Variants in DMRTB1 observed in about 807,000 individuals in gnomAD.
DMRTB1 encodes DMRT like family B with proline rich C-terminal 1, also known as doublesex- and mab-3-related transcription factor B1.
In DMRTB1, 9 loss-of-function variants were observed where a neutral mutation model predicts 25.2. The ratio of observed to expected loss-of-function variants is 0.36; its 90% CI spans 0.22 to 0.62. DMRTB1 has a LOEUF of 0.62. Among genes scored for constraint, DMRTB1 ranks in the 20% least tolerant of loss-of-function variants. DMRTB1 has a pLI of 0.71. For missense variants in DMRTB1, 551 were observed against 499.3 expected, an observed-to-expected ratio of 1.10 and a Z score of -0.99; for synonymous variants, 269 against 238.1, an observed-to-expected ratio of 1.13 and a Z score of -1.20.
chr1:53,461,412 C>T (rs1644021602), intron 1 of DMRTB1, 61 bp from the exon 2 acceptor site: 14 of 1,490,712 alleles, frequency 9.4e-6, no homozygotes, highest in Non-Finnish European at 1.3e-5. Context: ...CGCCCTGGGC[C>T]GCCCTGCGGA....
At chr1:53,462,835 C>G (rs142163280) in intron 2 of DMRTB1, among the ~76,000 whole-genome samples, 2 of 152,348 alleles carry the variant, frequency 1.3e-5, no homozygotes, top group Non-Finnish European at 2.9e-5. Context: ...TTGACTCACA[C>G]CAGCACTGCT....
At chr1:53,466,534 C>A in intron 3 of DMRTB1, 61 bp from the exon 4 acceptor site, 1 of 1,470,216 alleles carries the variant, frequency 6.8e-7, no homozygotes, top group Non-Finnish European at 9.4e-7. Flanking sequence ...TCTTCATCTG[C>A]AAATAGGTAG....
intron 2 of DMRTB1, among the ~76,000 whole-genome samples, chr1:53,462,104 A>G (rs1644026167): frequency 6.6e-6 from 1 of 152,232 alleles, no homozygotes; most frequent in Non-Finnish European, 1.5e-5. Flanking sequence ...GAGCGGAGTC[A>G]TGAAAAATAC....
At position 53,466,724 on chromosome 1, in the gene DMRTB1, C is replaced by T. The variant is rs1025435223; in HGVS notation, c.*62C>T. ...ACTGGGGGGCAACAGCAACAGTTTT[C>T]TTGTCTTCATTCAGTGATATGTAGG... On this transcript the variant is annotated 3_prime_UTR_variant, in exon 4 of 4. Coordinates refer to ENST00000371445, the MANE Select transcript of DMRTB1 (RefSeq NM_033067.3). The T allele has an allele frequency of 3.3e-6, 5 of 1,536,772 alleles. No individual in the cohort carries two copies. In the African/African-American group the frequency reaches 6.8e-5, roughly 21 times the overall value.
Position 53,459,460 on chromosome 1 carries a change from G to A in DMRTB1, c.7G>A (p.Asp3Asn), listed in dbSNP as rs2100635003. The A allele has an allele frequency of 6.2e-7, 1 of 1,613,048 alleles. No individual in the cohort carries two copies. Among genetic ancestry groups the A allele is most frequent in the Non-Finnish European group, 8.5e-7 (1 of 1,179,990 alleles). Reference protein sequence around the residue: MADKMVRTPKCSR... With the variant: MANKMVRTPKCSR... Reference sequence around the variant, plus strand: ...ACGAAGGCTGACCCTGCCAATGGCCGACAAAATGGTGCGCACCCCCAAGTG... The same window carrying A: ...ACGAAGGCTGACCCTGCCAATGGCCAACAAAATGGTGCGCACCCCCAAGTG... The change falls in exon 1 of 4, where the codon GAC becomes AAC. Residue 3 changes from aspartate to asparagine, a missense_variant. Coordinates refer to ENST00000371445, the MANE Select transcript of DMRTB1 (RefSeq NM_033067.3).
rs1644040476 is a variant in DMRTB1, at chr1:53,464,671, A to G, written c.785A>G (p.Tyr262Cys). Residue 262 changes from tyrosine (Y) to cysteine (C), a missense_variant, in exon 3 of 4, where the codon TAC becomes TGC. By Grantham distance (194) the Tyr-to-Cys change is radical. Transcript: ENST00000371445. ...SEPGGDFQPS[Y>C]YLPPPPPPLP... Reference sequence around the variant, plus strand: ...CCAGGAGGAGACTTCCAGCCAAGCTACTACCTGCCGCCGCCGCCGCCGCCA... The same window carrying G: ...CCAGGAGGAGACTTCCAGCCAAGCTGCTACCTGCCGCCGCCGCCGCCGCCA... 6.2e-7 allele frequency: 1 copy of G among 1,613,630 alleles called. No individual in the cohort carries two copies. The highest frequency in any genetic ancestry group is 2.2e-5 in the East Asian group (1 of 44,864).
In DMRTB1 at chr1:53,466,798, TAGG is replaced by T; in HGVS notation, c.*141_*143del. 1 of 881,592 alleles carries T rather than the reference TAGG, an allele frequency of 1.1e-6. No individual in the cohort carries two copies. Among genetic ancestry groups the T allele is most frequent in the East Asian group, 2.4e-5 (1 of 41,354 alleles). The allele number at this position is 881,592 out of a possible 1,614,324, so 54.6% of individuals were successfully genotyped here. ...ATGGCAACTGATTCCCAGTTTAAGA[TAGG>T]AGGAAGGAGAGCAATTTCTAAGTTT... On this transcript the variant is annotated 3_prime_UTR_variant, in exon 4 of 4. Coordinates refer to ENST00000371445, the MANE Select transcript of DMRTB1 (RefSeq NM_033067.3).
chr1:53,464,864 C>G lies in DMRTB1; in HGVS notation c.961+17C>G, dbSNP rs750317515. On this transcript the variant is annotated intron_variant, in intron 3 of 3. Transcript: ENST00000371445. ...AGAACACTGGTGAGTGAGCTCCAGT[C>G]TTCCAGCTTCAGCGAGAGCCAGGGA... 2 of 1,613,422 alleles carry G rather than the reference C, an allele frequency of 1.2e-6. No homozygotes were observed. The highest frequency in any genetic ancestry group is 8.5e-7 in the Non-Finnish European group (1 of 1,180,014).
rs1484995062 is a variant in DMRTB1, at chr1:53,459,650, A to C, written c.197A>C (p.Glu66Ala). The change falls in exon 1 of 4, where the codon GAG becomes GCG. Residue 66 changes from glutamate (E) to alanine (A), a missense_variant. Coordinates refer to ENST00000371445, the MANE Select transcript of DMRTB1 (RefSeq NM_033067.3). Reference protein sequence around the residue: ...LKTQAAEEEQEAALCAQGPKQ... With the variant: ...LKTQAAEEEQAAALCAQGPKQ... ...ACGCAGGCCGCCGAGGAGGAGCAGG[A>C]GGCGGCCCTGTGTGCGCAGGGGCCC... 2 of 1,552,554 alleles carry C rather than the reference A, an allele frequency of 1.3e-6. No individual in the cohort carries two copies. The highest frequency in any genetic ancestry group is 2.4e-5 in the South Asian group (2 of 84,438).
At position 53,459,713 on chromosome 1, in the gene DMRTB1, C is replaced by T. The variant is rs1479251665; in HGVS notation, c.260C>T (p.Pro87Leu). Residue 87 changes from proline (P) to leucine (L), a missense_variant, in exon 1 of 4, where the codon CCC (proline) becomes CTC (leucine). Pro to Leu is a moderately conservative substitution (Grantham distance 98). Coordinates refer to ENST00000371445, the MANE Select transcript of DMRTB1 (RefSeq NM_033067.3). Reference protein sequence around the residue: ...ASGAAAAAPAPVPVPAASLRP... With the variant: ...ASGAAAAAPALVPVPAASLRP... The stretch of plus-strand genomic sequence containing the variant: ...GGGGCTGCGGCCGCCGCCCCCGCCC[C>T]CGTCCCCGTCCCGGCCGCGAGCCTC... 3 of 1,399,428 alleles carry T rather than the reference C, an allele frequency of 2.1e-6. No homozygotes were observed. The highest frequency in any genetic ancestry group is 3.7e-5 in the Admixed American group (1 of 26,938). 86.7% of individuals were successfully genotyped at this position (1,399,428 alleles called of 1,614,324 possible). A position where few individuals can be genotyped will look rare whatever the true frequency, so the allele number is the denominator to read the frequency against.
Position 53,459,571 on chromosome 1 carries a change from T to A in DMRTB1, c.118T>A (p.Cys40Ser). The A allele has an allele frequency of 6.2e-7, 1 of 1,608,924 alleles. No homozygotes were observed. The highest frequency in any genetic ancestry group is 8.5e-7 in the Non-Finnish European group (1 of 1,178,048). ...CTGGAAGCAGTGCCTCTGCGAGAAG[T>A]GCTACCTGATCTCCGAGCGCCAGAA... ...CRWKQCLCEK[C>S]YLISERQKIM... Residue 40 changes from cysteine (C) to serine (S), a missense_variant, in exon 1 of 4, where the codon TGC becomes AGC. Coordinates refer to ENST00000371445, the MANE Select transcript of DMRTB1 (RefSeq NM_033067.3).
Position 53,459,748 on chromosome 1 carries a change from TC to T in DMRTB1, c.299del (p.Pro100ArgfsTer76), listed in dbSNP as rs1417775565. On this transcript the variant is annotated frameshift_variant, in exon 1 of 4. Coordinates refer to ENST00000371445, the MANE Select transcript of DMRTB1 (RefSeq NM_033067.3). LOFTEE classifies it high-confidence loss of function. ...PVPAASLRPL[S>X]PGTPSGDADP... Reference sequence around the variant, plus strand: ...CCCGGCCGCGAGCCTCCGCCCGCTGTCCCCGGGGACTCCCTCCGGAGACGCC... The same window carrying T: ...CCCGGCCGCGAGCCTCCGCCCGCTGTCCCGGGGACTCCCTCCGGAGACGCC... The T allele has an allele frequency of 1.5e-6, 2 of 1,356,476 alleles. No individual in the cohort carries two copies. Among genetic ancestry groups the T allele is most frequent in the East Asian group, 3.4e-5 (1 of 29,244 alleles). 84.0% of individuals were successfully genotyped at this position (1,356,476 alleles called of 1,614,324 possible). A position where few individuals can be genotyped will look rare whatever the true frequency, so the allele number is the denominator to read the frequency against.
Position 53,459,758 on chromosome 1 carries a change from C to G in DMRTB1, c.305C>G (p.Thr102Ser). 2.2e-6 allele frequency: 3 copies of G among 1,365,748 alleles called. No homozygotes were observed. The highest frequency in any genetic ancestry group is 2.8e-6 in the Non-Finnish European group (3 of 1,062,372). The allele number at this position is 1,365,748 out of a possible 1,614,324, so 84.6% of individuals were successfully genotyped here. Residue 102 changes from threonine to serine, a missense_variant, in exon 1 of 4, where the codon ACT (threonine) becomes AGT (serine). Thr to Ser is a moderately conservative substitution (Grantham distance 58). Transcript: ENST00000371445. The part of the protein sequence containing the change: ...AASLRPLSPG[T>S]PSGDADPGPE... ...AGCCTCCGCCCGCTGTCCCCGGGGA[C>G]TCCCTCCGGAGACGCCGACCCGGGA...
rs1233286744 is a variant in DMRTB1 at position 53,466,608 on chromosome 1, A to T, written c.975A>T (p.Ala325=). ...TGTCCTTCACAGATGACCAGGATGCAGAGGTACTGTCGGGTGAGCCCAGCC... is the reference window on the plus strand; with the variant it reads ...TGTCCTTCACAGATGACCAGGATGCTGAGGTACTGTCGGGTGAGCCCAGCC... The part of the protein sequence containing the change: ...TDKENTDDQD[A]EVLSGEPSQP... Residue 325 remains alanine (A), a synonymous_variant, in exon 4 of 4, where the codon GCA becomes GCT. Transcript: ENST00000371445. 6.2e-7 allele frequency: 1 copy of T among 1,614,250 alleles called. No homozygotes were observed. Among genetic ancestry groups the T allele is most frequent in the East Asian group, 2.2e-5 (1 of 44,888 alleles).
chr1:53,465,548 G>A (rs774392557), intron 3 of DMRTB1, among the ~76,000 whole-genome samples: 5 of 152,184 alleles, frequency 3.3e-5, no homozygotes, highest in African/African-American at 4.8e-5. Flanking sequence ...TTCCCCTGGG[G>A]CTCCTATGAT....
chr1:53,463,392 G>A (rs755345230), intron 2 of DMRTB1, among the ~76,000 whole-genome samples: 1 of 152,122 alleles, frequency 6.6e-6, no homozygotes, highest in African/African-American at 2.4e-5. Flanking sequence ...TGCCTCCCCC[G>A]TCGTGTCCCA....
At position 53,464,673 on chromosome 1, in the gene DMRTB1, T is replaced by C; in HGVS notation, c.787T>C (p.Tyr263His). The change falls in exon 3 of 4, where the codon TAC becomes CAC. Residue 263 changes from tyrosine to histidine, a missense_variant. Transcript: ENST00000371445. ...EPGGDFQPSY[Y>H]LPPPPPPLPP... ...AGGAGGAGACTTCCAGCCAAGCTAC[T>C]ACCTGCCGCCGCCGCCGCCGCCACT... The C allele has an allele frequency of 6.2e-7, 1 of 1,613,772 alleles. No individual in the cohort carries two copies. The highest frequency in any genetic ancestry group is 8.5e-7 in the Non-Finnish European group (1 of 1,179,964).
At position 53,464,665 on chromosome 1, in the gene DMRTB1, C is replaced by G. The variant is rs1174146176; in HGVS notation, c.779C>G (p.Pro260Arg). ...LVSEPGGDFQ[P>R]SYYLPPPPPP... is the part of the protein sequence containing the mutation. ...TCAGAACCAGGAGGAGACTTCCAGCCAAGCTACTACCTGCCGCCGCCGCCG... is the reference window on the plus strand; with the variant it reads ...TCAGAACCAGGAGGAGACTTCCAGCGAAGCTACTACCTGCCGCCGCCGCCG... Residue 260 changes from proline to arginine, a missense_variant, in exon 3 of 4, where the codon CCA becomes CGA. Transcript: ENST00000371445. The G allele has an allele frequency of 8.1e-6, 13 of 1,613,662 alleles. No homozygotes were observed. Among genetic ancestry groups the G allele is most frequent in the Non-Finnish European group, 1.0e-5 (12 of 1,180,036 alleles).
Position 53,464,746 on chromosome 1 carries a change from G to C in DMRTB1, c.860G>C (p.Gly287Ala), listed in dbSNP as rs756777522. The C allele has an allele frequency of 2.2e-4, 355 of 1,613,276 alleles. No homozygotes were observed. The highest frequency in any genetic ancestry group is 2.9e-4 in the Non-Finnish European group (338 of 1,179,702). Residue 287 changes from glycine (G) to alanine (A), a missense_variant, in exon 3 of 4, where the codon GGC (glycine) becomes GCC (alanine). By Grantham distance (60) the Gly-to-Ala change is moderately conservative. Transcript: ENST00000371445. ...LPPQPQFLPP[G>A]YLSALHFLPP... ...CCGCAGCCCCAGTTCCTCCCGCCAG[G>C]CTACCTCTCTGCGCTCCACTTCCTC...
Sources: allele counts gnomAD v4.1 joint callset (sites outside exome capture counted in the v4.1 genomes callset), GRCh38; gene constraint gnomAD v4.1.1; transcripts MANE v1.5; gene names NCBI Gene and HGNC (gene_info 2026-07-23, HGNC 2026-07-21).